Variants in SDK1 observed in about 807,000 individuals in gnomAD.
The protein encoded by SDK1 is sidekick cell adhesion molecule 1.
Under a neutral mutation model 245.5 loss-of-function variants are expected in SDK1, and 157 were observed. The observed-to-expected ratio is 0.64, with a 90% CI of 0.56 to 0.73. The LOEUF is 0.73. Among genes scored for constraint, SDK1 ranks in the 30% least tolerant of loss-of-function variants. The pLI is 0.00. For missense variants in SDK1, 3,583 were observed against 3,002.3 expected (o/e 1.19, Z -4.52); for synonymous variants, 1,647 against 1,278.5 (o/e 1.29, Z -6.15).
chr7:3,475,755 T>C (rs1781331017), intron 1 of SDK1, among the ~76,000 whole-genome samples: 1 of 152,168 alleles, frequency 6.6e-6, no homozygotes, highest in African/African-American at 2.4e-5. Context: ...GAATGAAGTA[T>C]ATTATATTTG....
intron 5 of SDK1, among the ~76,000 whole-genome samples, chr7:3,855,009 G>T (rs114065913): frequency 0.014 from 2,125 of 152,168 alleles, 55 homozygotes; most frequent in African/African-American, 0.049. Flanking sequence ...GACCCTGTAC[G>T]TCCTAATCCA....
intron 1 of SDK1, among the ~76,000 whole-genome samples, chr7:3,321,963 G>T (rs1779826120): frequency 3.4e-5 from 5 of 147,290 alleles, no homozygotes; most frequent in Middle Eastern, 4.0e-3. Flanking sequence ...CAGCCTGTTT[G>T]CCCTCTCCCT....
At chr7:3,574,778 G>T (rs1780232242) in intron 1 of SDK1, among the ~76,000 whole-genome samples, 1 of 152,034 alleles carries the variant, frequency 6.6e-6, no homozygotes, top group Non-Finnish European at 1.5e-5. Flanking sequence ...CTACTCAAAG[G>T]CAGAAATAAG....
At chr7:3,852,922 T>C (rs932486238) in intron 5 of SDK1, among the ~76,000 whole-genome samples, 3 of 152,064 alleles carry the variant, frequency 2.0e-5, no homozygotes, top group East Asian at 1.9e-4. Flanking sequence ...TCATCTCATA[T>C]GGGTGCAGAA....
At chr7:3,803,090 C>T (rs1472259366) in intron 4 of SDK1, among the ~76,000 whole-genome samples, 2 of 152,158 alleles carry the variant, frequency 1.3e-5, no homozygotes, top group Non-Finnish European at 2.9e-5. Flanking sequence ...CTCTCAGCAA[C>T]ATATGAGAGC....
At chr7:3,711,131 A>G (rs1785038915) in intron 4 of SDK1, among the ~76,000 whole-genome samples, 1 of 152,250 alleles carries the variant, frequency 6.6e-6, no homozygotes, top group Admixed American at 6.5e-5. Flanking sequence ...CTTATTTAAG[A>G]AAGTTGACAC....
intron 1 of SDK1, among the ~76,000 whole-genome samples, chr7:3,409,927 C>G (rs1456757754): frequency 6.6e-6 from 1 of 152,044 alleles, no homozygotes; most frequent in Non-Finnish European, 1.5e-5. Flanking sequence ...CAGAGGTGAT[C>G]ATAACAGGAG....
intron 28 of SDK1, among the ~76,000 whole-genome samples, chr7:4,141,908 C>T (rs976623334): frequency 6.6e-6 from 1 of 152,162 alleles, no homozygotes; most frequent in African/African-American, 2.4e-5. Flanking sequence ...AGGCACCTGC[C>T]ACCATGCCTG....
In SDK1 at chr7:4,178,733, C is replaced by T; in HGVS notation, c.5098+147C>T. ...TGTCGGGGCTGAGGTCTCCACGCCA[C>T]TGGCAGGGAAAGATGGGCTCAGCTG... On this transcript the variant is annotated intron_variant, in intron 35 of 44. Coordinates refer to ENST00000404826, the MANE Select transcript of SDK1 (RefSeq NM_152744.4). 3 of 613,678 alleles carry T rather than the reference C, an allele frequency of 4.9e-6. No homozygotes were observed. The South Asian group carries it at 5.8e-5, about 12-fold the overall frequency. The allele number at this position is 613,678 out of a possible 1,614,324, so 38.0% of individuals were successfully genotyped here.
chr7:3,357,353 T>G (rs1780830877), intron 1 of SDK1, among the ~76,000 whole-genome samples: 1 of 108,370 alleles, frequency 9.2e-6, no homozygotes, highest in African/African-American at 3.9e-5. Flanking sequence ...TTTTTTTTTT[T>G]TTTTTTTTTT....
At chr7:3,499,707 G>C (rs73050200) in intron 1 of SDK1, among the ~76,000 whole-genome samples, 1 of 152,104 alleles carries the variant, frequency 6.6e-6, no homozygotes, top group Admixed American at 6.5e-5. Context: ...GAAGAGAAAC[G>C]GAGCTGAGTC....
intron 1 of SDK1, among the ~76,000 whole-genome samples, chr7:3,553,739 C>G (rs989101346): frequency 6.6e-6 from 1 of 152,292 alleles, no homozygotes; most frequent in Non-Finnish European, 1.5e-5. Context: ...TGAGTAGCTT[C>G]TTTGTCCTCA....
At chr7:4,010,321 T>C (rs1409803434) in intron 14 of SDK1, among the ~76,000 whole-genome samples, 1 of 152,178 alleles carries the variant, frequency 6.6e-6, no homozygotes, top group Non-Finnish European at 1.5e-5. Flanking sequence ...CAGCAGAACC[T>C]TCGGAAGCCT....
At chr7:3,875,459 T>C (rs766115555) in intron 5 of SDK1, among the ~76,000 whole-genome samples, 5 of 152,216 alleles carry the variant, frequency 3.3e-5, no homozygotes, top group Non-Finnish European at 7.3e-5. Flanking sequence ...TTAAACTGTT[T>C]AGTCCCACAT....
intron 5 of SDK1, among the ~76,000 whole-genome samples, chr7:3,900,314 A>G (rs1009964906): frequency 2.6e-5 from 4 of 152,264 alleles, no homozygotes; most frequent in African/African-American, 7.2e-5. Flanking sequence ...TCTAAAATTT[A>G]CCAACATGTT....
At chr7:3,745,603 A>T (rs1023226001) in intron 4 of SDK1, among the ~76,000 whole-genome samples, 1 of 152,132 alleles carries the variant, frequency 6.6e-6, no homozygotes, top group Non-Finnish European at 1.5e-5. Context: ...GATTCATTTA[A>T]TCGCCTCCAC....
chr7:3,701,696 C>T (rs1235052794), intron 4 of SDK1, among the ~76,000 whole-genome samples: 1 of 151,950 alleles, frequency 6.6e-6, no homozygotes, highest in East Asian at 1.9e-4. Flanking sequence ...GGATAAGGTA[C>T]AAAGGATCAC....
chr7:3,490,078 C>A (rs571729224), intron 1 of SDK1, among the ~76,000 whole-genome samples: 14 of 152,140 alleles, frequency 9.2e-5, no homozygotes, highest in Non-Finnish European at 1.8e-4. Context: ...TGGAATTATT[C>A]TCTTCATATT....
chr7:3,808,415 A>C (rs983282364), intron 4 of SDK1, among the ~76,000 whole-genome samples: 15 of 152,218 alleles, frequency 9.9e-5, no homozygotes, highest in African/African-American at 3.4e-4. Context: ...GAATGCTGAA[A>C]GGATGCCAGT....
Sources: gnomAD v4.1 joint callset for allele counts (sites outside exome capture counted in the v4.1 genomes callset) on GRCh38, gnomAD v4.1.1 for gene constraint, MANE v1.5 for transcripts, NCBI Gene and HGNC (gene_info 2026-07-23, HGNC 2026-07-21) for gene names.